MAP4K5: variants seen among roughly 807,000 people sequenced by gnomAD.
The protein encoded by MAP4K5 is mitogen-activated protein kinase kinase kinase kinase 5, also known as MAPK/ERK kinase kinase kinase 5.
In MAP4K5, 82 loss-of-function variants were observed where a neutral mutation model predicts 135.6. The observed-to-expected ratio is 0.60, with a 90% confidence interval of 0.51 to 0.73. The LOEUF (loss-of-function observed/expected upper bound fraction) is 0.73. Among genes scored for constraint, MAP4K5 ranks in the 30% least tolerant of loss-of-function variants. MAP4K5 has a pLI of 0.00. For missense variants in MAP4K5, 907 were observed against 1,010.9 expected (o/e 0.90, Z 1.39); for synonymous variants, 347 against 335.0 (o/e 1.04, Z -0.39).
At position 50,440,197 on chromosome 14, in the gene MAP4K5, GA is replaced by G. The variant is rs556490453; in HGVS notation, c.1645-125del. 5.3e-5 allele frequency: 43 copies of G among 812,512 alleles called. 1 individual carries two copies. The South Asian group carries it at 8.3e-4, about 16-fold the overall frequency. 50.3% of individuals were successfully genotyped at this position (812,512 alleles called of 1,614,324 possible). On this transcript the variant is annotated intron_variant, in intron 22 of 32. Transcript: ENST00000682126. Reference sequence around the variant, plus strand: ...TTTCAGGTAATTATCAAACCCTTAAGAAAAAAAATCTTTCAACATGAACATG... The same window carrying G: ...TTTCAGGTAATTATCAAACCCTTAAGAAAAAAATCTTTCAACATGAACATG...
chr14:50,430,835 A>G (rs1462867377), intron 28 of MAP4K5, among the ~76,000 whole-genome samples: 1 of 152,186 alleles, frequency 6.6e-6, no homozygotes, highest in African/African-American at 2.4e-5. Context: ...CCTGGTAAAA[A>G]TTTTGATAGC....
chr14:50,506,814 G>A (rs1003730188), intron 2 of MAP4K5, among the ~76,000 whole-genome samples: 3 of 152,060 alleles, frequency 2.0e-5, no homozygotes, highest in Non-Finnish European at 2.9e-5. Flanking sequence ...TCCTAACTAC[G>A]AACACATTTA....
rs376006855 is a variant in MAP4K5, at chr14:50,520,374, G to A, written c.108+11568C>T. Among the ~76,000 whole-genome samples the A allele has an allele frequency of 7.2e-5, 11 of 152,190 alleles. No homozygotes were observed. In the East Asian group the frequency reaches 1.2e-3, roughly 16 times the overall value. On this transcript the variant is annotated intron_variant, in intron 2 of 32. Coordinates refer to ENST00000682126, the MANE Select transcript of MAP4K5 (RefSeq NM_006575.6). ...AAATTAGTCGGGCATGGCAGCGTGC[G>A]CCTGTAGTCCCATCTACTCAGGAGG...
At chr14:50,478,281 TTC>T (rs79405808) in intron 6 of MAP4K5, among the ~76,000 whole-genome samples, 128,462 of 151,844 alleles carry the variant, frequency 0.85, 55,735 homozygotes, top group Non-Finnish European at 0.93. Context: ...CACTTGTTTC[TTC>T]TCTTTTTACT....
At chr14:50,444,904 AG>A in intron 18 of MAP4K5, 136 bp downstream of exon 18, 2 of 916,090 alleles carry the variant, frequency 2.2e-6, no homozygotes, top group South Asian at 1.9e-5. Flanking sequence ...AAGCTATAAT[AG>A]GATTGACTAA....
intron 1 of MAP4K5, among the ~76,000 whole-genome samples, chr14:50,550,315 A>G (rs8020707): frequency 0.98 from 148,653 of 152,312 alleles, 72,591 homozygotes; most frequent in Non-Finnish European, 0.99. Context: ...AAATATAGCA[A>G]TAATAATGTT....
intron 15 of MAP4K5, among the ~76,000 whole-genome samples, chr14:50,448,182 T>G (rs1047896484): frequency 6.6e-6 from 1 of 151,986 alleles, no homozygotes. Flanking sequence ...GCCTGGCTGA[T>G]TTTTGTATTT....
Position 50,517,340 on chromosome 14 carries a change from C to T in MAP4K5, c.109-12483G>A, listed in dbSNP as rs368962167. ...CTAATTTTTGTATTTTTAGTGGAGA[C>T]GGGGTTTCACCATGTTGGCCAGGCT... is the stretch of plus-strand genomic sequence containing the variant. On this transcript the variant is annotated intron_variant, in intron 2 of 32. Transcript: ENST00000682126. Among the ~76,000 whole-genome samples the T allele has an allele frequency of 4.1e-3, 616 of 151,730 alleles. 3 individuals carry two copies. The highest frequency in any genetic ancestry group is 0.014 in the African/African-American group (569 of 41,428).
chr14:50,517,152 CTT>C (rs778616747), intron 2 of MAP4K5, among the ~76,000 whole-genome samples: 44 of 137,584 alleles, frequency 3.2e-4, no homozygotes, highest in Non-Finnish European at 2.5e-4. Flanking sequence ...AATTACAATA[CTT>C]TTTTTTTTTT....
chr14:50,531,843 T>A lies in MAP4K5; in HGVS notation c.108+99A>T, dbSNP rs556241019. On this transcript the variant is annotated intron_variant, in intron 2 of 32. Coordinates refer to ENST00000682126, the MANE Select transcript of MAP4K5 (RefSeq NM_006575.6). Reference sequence around the variant, plus strand: ...CCGCTTTCTCCCCAAGAGGCAACAATAAAAGCATCCTCCTCTCGCCCCAAT... The same window carrying A: ...CCGCTTTCTCCCCAAGAGGCAACAAAAAAAGCATCCTCCTCTCGCCCCAAT... 112 of 847,774 alleles carry A rather than the reference T, an allele frequency of 1.3e-4. 1 individual carries two copies. The highest frequency in any genetic ancestry group is 5.5e-4 in the African/African-American group (32 of 58,486). 52.5% of individuals were successfully genotyped at this position (847,774 alleles called of 1,614,324 possible).
intron 28 of MAP4K5, among the ~76,000 whole-genome samples, chr14:50,432,740 T>TG (rs1269492049): frequency 6.6e-6 from 1 of 151,744 alleles, no homozygotes; most frequent in Non-Finnish European, 1.5e-5. Context: ...ACCATGCTGA[T>TG]GAGCAAAAAA....
At chr14:50,552,944 G>A (rs1336179669) in intron 1 of MAP4K5, among the ~76,000 whole-genome samples, 1 of 151,984 alleles carries the variant, frequency 6.6e-6, no homozygotes, top group South Asian at 2.1e-4. Context: ...TATAGACATG[G>A]GCTTAGGCAA....
At chr14:50,465,955 T>A (rs895420767) in intron 11 of MAP4K5, among the ~76,000 whole-genome samples, 4 of 152,182 alleles carry the variant, frequency 2.6e-5, no homozygotes, top group Non-Finnish European at 5.9e-5. Context: ...GTGCCTGTAG[T>A]CCCAGCTACT....
At chr14:50,496,449 T>C (rs1595513429) in intron 3 of MAP4K5, among the ~76,000 whole-genome samples, 1 of 152,128 alleles carries the variant, frequency 6.6e-6, no homozygotes, top group African/African-American at 2.4e-5. Flanking sequence ...ATCATTTCAC[T>C]ACAGCTGGAT....
intron 1 of MAP4K5, 129 bp downstream of exon 1, chr14:50,532,319 C>A (rs2038414993): frequency 2.6e-6 from 1 of 389,486 alleles, no homozygotes; most frequent in Non-Finnish European, 4.6e-6. Context: ...GTTCGGTCTG[C>A]GGCCCTTCCC....
upstream of MAP4K5, among the ~76,000 whole-genome samples, chr14:50,536,174 A>G (rs1216011160): frequency 6.6e-6 from 1 of 152,222 alleles, no homozygotes; most frequent in African/African-American, 2.4e-5. Context: ...GTCTGGCGCC[A>G]TGGCCCATGC....
rs776626835 is a variant in MAP4K5, at chr14:50,475,144, A to G, written c.475T>C (p.Phe159Leu). The G allele has an allele frequency of 6.2e-7, 1 of 1,613,814 alleles. No individual in the cohort carries two copies. Among genetic ancestry groups the G allele is most frequent in the East Asian group, 2.2e-5 (1 of 44,858 alleles). The change falls in exon 9 of 33, where the codon TTT (phenylalanine) becomes CTT (leucine). Residue 159 changes from phenylalanine to leucine, a missense_variant. Physicochemically the swap from Phe to Leu is conservative, Grantham distance 22. This residue lies in a region of MAP4K5 where 21 missense variants were observed against 44.2 expected (regional missense o/e 0.47). Coordinates refer to ENST00000682126, the MANE Select transcript of MAP4K5 (RefSeq NM_006575.6). ...TDHGDVKLADFGVAAKITATI... is the reference protein window; with the variant it reads ...TDHGDVKLADLGVAAKITATI... ...GCTGTTATTTTTGCAGCCACACCAA[A>G]GTCAGCTAGTGAGGAAAAAAACAGA...
intron 13 of MAP4K5, among the ~76,000 whole-genome samples, chr14:50,461,684 G>A (rs2036714457): frequency 6.6e-6 from 1 of 152,106 alleles, no homozygotes; most frequent in Non-Finnish European, 1.5e-5. Context: ...ACTTTGGGAG[G>A]CTGAGGCAGG....
At chr14:50,485,930 C>G (rs1010811630) in intron 4 of MAP4K5, 174 bp downstream of exon 4, 2 of 535,432 alleles carry the variant, frequency 3.7e-6, no homozygotes, top group African/African-American at 4.0e-5. Context: ...AATGGGAGTA[C>G]CATTATTAAT....
Sources: allele counts gnomAD v4.1 joint callset (sites outside exome capture counted in the v4.1 genomes callset), GRCh38; gene constraint gnomAD v4.1.1; regional missense constraint gnomAD v4.1.1; transcripts MANE v1.5; gene names NCBI Gene and HGNC (gene_info 2026-07-23, HGNC 2026-07-21).